Variants in SKAP1 observed in about 807,000 individuals in gnomAD.
SKAP1 encodes the protein src kinase-associated phosphoprotein 1.
A neutral mutation model predicts 58.5 loss-of-function variants in SKAP1; 44 were observed. The ratio of observed to expected loss-of-function variants is 0.75; its 90% CI spans 0.59 to 0.97. The LOEUF (loss-of-function observed/expected upper bound fraction) is 0.97. SKAP1 is among the 50% of genes least tolerant of loss of function. The probability of loss-of-function intolerance (pLI) is 0.00; values close to 1 mark genes in which losing one functional copy is unlikely to be tolerated. For synonymous variants in SKAP1, 127 were observed against 149.7 expected (o/e 0.85, Z 1.11); for missense variants, 390 against 435.2 (o/e 0.90, Z 0.92).
chr17:48,266,508 A>T (rs1424383837), intron 4 of SKAP1, among the ~76,000 whole-genome samples: 6 of 147,518 alleles, frequency 4.1e-5, no homozygotes, highest in Non-Finnish European at 6.0e-5. Context: ...TTCTTTTCTT[A>T]CTTTCTTTTT....
intron 9 of SKAP1, among the ~76,000 whole-genome samples, chr17:48,173,742 A>G (rs1213522100): frequency 1.3e-5 from 2 of 152,160 alleles, no homozygotes; most frequent in Admixed American, 1.3e-4. Flanking sequence ...ATTGGGTCAG[A>G]TCTCCACTGT....
intron 4 of SKAP1, among the ~76,000 whole-genome samples, chr17:48,311,981 A>G (rs2066229689): frequency 2.6e-5 from 4 of 152,240 alleles, no homozygotes; most frequent in Admixed American, 2.6e-4. Context: ...GTCCTATTTT[A>G]TGGCAAGAAT....
chr17:48,420,821 G>A (rs1264505576), intron 1 of SKAP1, among the ~76,000 whole-genome samples: 2 of 152,140 alleles, frequency 1.3e-5, no homozygotes, highest in Non-Finnish European at 2.9e-5. Flanking sequence ...TTACTGTGGA[G>A]GGAGTGTCCT....
At chr17:48,199,902 A>G (rs1445730097) in intron 4 of SKAP1, among the ~76,000 whole-genome samples, 1 of 152,138 alleles carries the variant, frequency 6.6e-6, no homozygotes, top group African/African-American at 2.4e-5. Context: ...ACGAAGTTGC[A>G]TATTAGATTC....
At chr17:48,370,140 G>A (rs1307228880) in intron 2 of SKAP1, among the ~76,000 whole-genome samples, 4 of 151,906 alleles carry the variant, frequency 2.6e-5, no homozygotes, top group Non-Finnish European at 5.9e-5. Flanking sequence ...GAACTTAATC[G>A]GACAAGTAAA....
rs2066454238 is a variant in SKAP1 at position 48,327,492 on chromosome 17, TTA to T, written c.280+18411_280+18412del. On this transcript the variant is annotated intron_variant, in intron 4 of 12. Coordinates refer to ENST00000336915, the MANE Select transcript of SKAP1 (RefSeq NM_003726.4). ...ATTCTTGCCCATGTAAGACATTTTA[TTA>T]TGTTTTTAAAATCTCTTTTAATCTA... Among the ~76,000 whole-genome samples the T allele has an allele frequency of 2.0e-5, 3 of 152,344 alleles. No individual in the cohort carries two copies. In the South Asian group the frequency reaches 6.2e-4, roughly 32 times the overall value.
chr17:48,276,066 A>G (rs375542325), intron 4 of SKAP1, among the ~76,000 whole-genome samples: 13 of 152,206 alleles, frequency 8.5e-5, no homozygotes, highest in African/African-American at 2.7e-4. Flanking sequence ...TCAGTCCCCA[A>G]TGTCTTAAAA....
intron 4 of SKAP1, among the ~76,000 whole-genome samples, chr17:48,316,476 A>T (rs1402269567): frequency 1.3e-5 from 2 of 152,074 alleles, no homozygotes; most frequent in Non-Finnish European, 2.9e-5. Flanking sequence ...TCTCAAAGAG[A>T]TCTACTGTCA....
At chr17:48,345,877 A>T in intron 4 of SKAP1, 28 bp downstream of exon 4, 1 of 1,500,020 alleles carries the variant, frequency 6.7e-7, no homozygotes. Context: ...TATGGTAGTC[A>T]CCCAAAATCC....
chr17:48,245,896 AC>A (rs2065291089), intron 4 of SKAP1, among the ~76,000 whole-genome samples: 1 of 152,080 alleles, frequency 6.6e-6, no homozygotes, highest in Non-Finnish European at 1.5e-5. Context: ...AATCGCTTGA[AC>A]CCAGAAGGCA....
intron 4 of SKAP1, among the ~76,000 whole-genome samples, chr17:48,261,036 TA>T (rs2065479014): frequency 6.6e-6 from 1 of 152,194 alleles, no homozygotes; most frequent in African/African-American, 2.4e-5. Context: ...CTGCAGTATT[TA>T]AAAAAACTTC....
chr17:48,287,527 C>G, intron 4 of SKAP1, among the ~76,000 whole-genome samples: 1 of 151,834 alleles, frequency 6.6e-6, no homozygotes, highest in Non-Finnish European at 1.5e-5. Context: ...ATAGTTCCTA[C>G]TAGGCACAGA....
intron 11 of SKAP1, among the ~76,000 whole-genome samples, chr17:48,157,471 G>A (rs2063994647): frequency 6.6e-6 from 1 of 151,126 alleles, no homozygotes; most frequent in Admixed American, 6.6e-5. Flanking sequence ...CTGACCTCAG[G>A]TGATCTGCCC....
At chr17:48,322,585 A>G (rs936578095) in intron 4 of SKAP1, among the ~76,000 whole-genome samples, 3 of 152,224 alleles carry the variant, frequency 2.0e-5, no homozygotes, top group African/African-American at 7.2e-5. Context: ...TCTATATTCC[A>G]GGCAGGAGGA....
intron 1 of SKAP1, among the ~76,000 whole-genome samples, chr17:48,408,697 T>C (rs1171318665): frequency 6.6e-6 from 1 of 152,190 alleles, no homozygotes; most frequent in Non-Finnish European, 1.5e-5. Flanking sequence ...ATGGCAAAAA[T>C]GTCATCTAAT....
chr17:48,242,722 T>G (rs867873096), intron 4 of SKAP1, among the ~76,000 whole-genome samples: 1 of 152,198 alleles, frequency 6.6e-6, no homozygotes, highest in Non-Finnish European at 1.5e-5. Flanking sequence ...ATGGTGTGGT[T>G]TGAACCTTTG....
At chr17:48,186,985 G>A (rs1188241686) in intron 6 of SKAP1, among the ~76,000 whole-genome samples, 1 of 152,218 alleles carries the variant, frequency 6.6e-6, no homozygotes, top group Non-Finnish European at 1.5e-5. Context: ...TACAAGGAAA[G>A]CCCCAAGAAG....
chr17:48,257,628 C>CTTTTTTTTTTTTTTTTTTTTTTTTTTTTT (rs56225931), intron 4 of SKAP1, among the ~76,000 whole-genome samples: 1 of 111,150 alleles, frequency 9.0e-6, no homozygotes, highest in African/African-American at 3.2e-5. Flanking sequence ...TTCTTTCTTT[C>CTTTTTTTTTTTTTTTTTTTTTTTTTTTTT]TTTTTTTTTT....
chr17:48,326,232 C>T (rs987365553), intron 4 of SKAP1, among the ~76,000 whole-genome samples: 3 of 152,186 alleles, frequency 2.0e-5, no homozygotes, highest in African/African-American at 4.8e-5. Flanking sequence ...GAACTGTCTC[C>T]ATAAATGGGG....
Sources: gnomAD v4.1 joint callset for allele counts (sites outside exome capture counted in the v4.1 genomes callset) on GRCh38, gnomAD v4.1.1 for gene constraint, MANE v1.5 for transcripts, NCBI Gene and HGNC (gene_info 2026-07-23, HGNC 2026-07-21) for gene names.